LRP1B: variants seen among roughly 807,000 people sequenced by gnomAD.
LRP1B encodes the protein low-density lipoprotein receptor-related protein 1B.
In LRP1B, 217 loss-of-function variants were observed where a neutral mutation model predicts 556.6. That is an observed-to-expected ratio of 0.39 (90% CI 0.35 to 0.44). The LOEUF is 0.44. Ranked by LOEUF, LRP1B falls within the 20% of genes least tolerant of loss-of-function variation. The probability of loss-of-function intolerance (pLI) is 1.00; values close to 1 mark genes in which losing one functional copy is unlikely to be tolerated. For synonymous variants in LRP1B, 2,047 were observed against 1,865.8 expected (o/e 1.10, Z -2.50); for missense variants, 5,053 against 5,620.8 (o/e 0.90, Z 3.23).
intron 82 of LRP1B, among the ~76,000 whole-genome samples, chr2:140,315,390 A>T (rs1034258725): frequency 6.6e-6 from 1 of 152,114 alleles, no homozygotes. Flanking sequence ...GAAACTTTCT[A>T]AAAGTAATAT....
At chr2:141,280,794 C>T (rs1685482359) in intron 3 of LRP1B, among the ~76,000 whole-genome samples, 1 of 151,766 alleles carries the variant, frequency 6.6e-6, no homozygotes, top group African/African-American at 2.4e-5. Context: ...ATTAAATCCA[C>T]AATAAAACTA....
At chr2:141,042,946 C>T in intron 11 of LRP1B, among the ~76,000 whole-genome samples, 1 of 148,598 alleles carries the variant, frequency 6.7e-6, no homozygotes, top group East Asian at 2.0e-4. Context: ...AATCCCAGCA[C>T]TTTGTGGGGC....
At chr2:140,957,055 A>G (rs941492765) in intron 18 of LRP1B, among the ~76,000 whole-genome samples, 25 of 151,798 alleles carry the variant, frequency 1.6e-4, no homozygotes, top group African/African-American at 5.8e-4. Flanking sequence ...AGTGCTTACA[A>G]TCTACTAGGG....
At chr2:142,124,336 G>A (rs1388698900) in intron 1 of LRP1B, among the ~76,000 whole-genome samples, 2 of 151,114 alleles carry the variant, frequency 1.3e-5, no homozygotes, top group Non-Finnish European at 1.5e-5. Context: ...ATTTATTCAT[G>A]CCATTGCATT....
chr2:142,003,568 C>A (rs966188843), intron 1 of LRP1B, among the ~76,000 whole-genome samples: 1 of 152,164 alleles, frequency 6.6e-6, no homozygotes, highest in African/African-American at 2.4e-5. Context: ...GCAGAATGAG[C>A]AGGACCACCT....
At chr2:141,287,701 T>G (rs1685773339) in intron 3 of LRP1B, among the ~76,000 whole-genome samples, 1 of 152,194 alleles carries the variant, frequency 6.6e-6, no homozygotes, top group South Asian at 2.1e-4. Flanking sequence ...ACTTTTCCAT[T>G]GTGGTGAGAG....
At chr2:141,578,017 GA>G (rs1395609110) in intron 2 of LRP1B, among the ~76,000 whole-genome samples, 5 of 152,240 alleles carry the variant, frequency 3.3e-5, no homozygotes, top group African/African-American at 1.2e-4. Flanking sequence ...CCATATTATT[GA>G]GTATAGTTAC....
intron 3 of LRP1B, among the ~76,000 whole-genome samples, chr2:141,259,569 T>A (rs934684133): frequency 1.3e-5 from 2 of 152,188 alleles, no homozygotes; most frequent in Non-Finnish European, 2.9e-5. Context: ...CCAGCAGACT[T>A]CTCACCCTTT....
chr2:140,795,965 G>T (rs1274462906), intron 32 of LRP1B, among the ~76,000 whole-genome samples: 3 of 151,954 alleles, frequency 2.0e-5, no homozygotes, highest in African/African-American at 7.2e-5. Flanking sequence ...AAAACACTCT[G>T]TTATTTTCCA....
chr2:140,434,804 C>G (rs920995851), intron 66 of LRP1B, among the ~76,000 whole-genome samples: 2 of 152,104 alleles, frequency 1.3e-5, no homozygotes, highest in East Asian at 3.9e-4. Flanking sequence ...CTTTTGTTAT[C>G]ATTATATTAT....
chr2:141,082,326 T>C (rs1198840602), intron 7 of LRP1B, among the ~76,000 whole-genome samples: 3 of 145,562 alleles, frequency 2.1e-5, no homozygotes, highest in Admixed American at 1.4e-4. Context: ...TTTAAGGTAA[T>C]GCATTTAGGG....
intron 3 of LRP1B, among the ~76,000 whole-genome samples, chr2:141,276,810 C>T (rs1468784205): frequency 6.6e-6 from 1 of 151,952 alleles, no homozygotes; most frequent in Non-Finnish European, 1.5e-5. Context: ...GCGGCCGCCA[C>T]CACGCCCAGC....
intron 41 of LRP1B, among the ~76,000 whole-genome samples, chr2:140,608,452 C>T (rs554252142): frequency 1.9e-4 from 29 of 152,324 alleles, no homozygotes; most frequent in African/African-American, 4.6e-4. Context: ...GTTCTCACCC[C>T]TCTAACAAGA....
At chr2:141,651,660 G>A (rs1263945638) in intron 2 of LRP1B, among the ~76,000 whole-genome samples, 1 of 152,090 alleles carries the variant, frequency 6.6e-6, no homozygotes, top group Non-Finnish European at 1.5e-5. Context: ...GGGAGATTCT[G>A]TCATTAAAAA....
chr2:140,509,083 AACACACACAC>A (rs61074935), intron 52 of LRP1B, among the ~76,000 whole-genome samples: 1 of 148,796 alleles, frequency 6.7e-6, no homozygotes, highest in Non-Finnish European at 1.5e-5. Context: ...CACACACACA[AACACACACAC>A]ACACACACAC....
chr2:141,708,274 C>T (rs1056405409), intron 2 of LRP1B, among the ~76,000 whole-genome samples: 2 of 151,994 alleles, frequency 1.3e-5, no homozygotes, highest in East Asian at 1.9e-4. Context: ...ATGTATTCAC[C>T]CCTAGATAGT....
intron 1 of LRP1B, among the ~76,000 whole-genome samples, chr2:142,003,377 C>T (rs981425685): frequency 2.6e-5 from 4 of 152,192 alleles, no homozygotes; most frequent in Admixed American, 1.3e-4. Context: ...AAGGGACCTA[C>T]AGTCTTTTGG....
intron 6 of LRP1B, among the ~76,000 whole-genome samples, chr2:141,226,298 C>T (rs1683246726): frequency 6.6e-6 from 1 of 152,104 alleles, no homozygotes; most frequent in Non-Finnish European, 1.5e-5. Flanking sequence ...CCTAATACAT[C>T]TGAACTTTGA....
chr2:140,818,784 A>G (rs747873563), intron 31 of LRP1B, among the ~76,000 whole-genome samples: 3 of 152,040 alleles, frequency 2.0e-5, no homozygotes, highest in Non-Finnish European at 4.4e-5. Flanking sequence ...AAAACACAAA[A>G]AAATTATCCA....
Sources: allele counts gnomAD v4.1 joint callset (sites outside exome capture counted in the v4.1 genomes callset), GRCh38; gene constraint gnomAD v4.1.1; transcripts MANE v1.5; gene names NCBI Gene and HGNC (gene_info 2026-07-23, HGNC 2026-07-21).